RBFOX1: variants seen among roughly 807,000 people sequenced by gnomAD.
RBFOX1 encodes the protein RNA binding protein fox-1 homolog 1.
A neutral mutation model predicts 57.7 loss-of-function variants in RBFOX1; 8 were observed. The ratio of observed to expected loss-of-function variants is 0.14; its 90% CI spans 0.08 to 0.25. The LOEUF is 0.25. RBFOX1 is among the 10% of genes least tolerant of loss of function. The pLI is 1.00. For missense variants in RBFOX1, 611 were observed against 548.5 expected, an observed-to-expected ratio of 1.11 and a Z score of -1.14; for synonymous variants, 326 against 222.4, an observed-to-expected ratio of 1.47 and a Z score of -4.15.
intron 1 of RBFOX1, among the ~76,000 whole-genome samples, chr16:5,274,775 G>T (rs1421822890): frequency 1.3e-5 from 2 of 152,192 alleles, no homozygotes; most frequent in Non-Finnish European, 2.9e-5. Context: ...GGGCAAGCAG[G>T]ACAGGTAAGA....
intron 2 of RBFOX1, among the ~76,000 whole-genome samples, chr16:5,471,008 C>G (rs664637): frequency 6.6e-6 from 1 of 151,830 alleles, no homozygotes; most frequent in Non-Finnish European, 1.5e-5. Context: ...CCTGCCACCA[C>G]GCCTGGCTAA....
At chr16:7,188,663 G>C (rs2084535041) in intron 4 of RBFOX1, among the ~76,000 whole-genome samples, 1 of 152,124 alleles carries the variant, frequency 6.6e-6, no homozygotes, top group Non-Finnish European at 1.5e-5. Flanking sequence ...ATTATCCTGA[G>C]TTGAACATGT....
chr16:6,107,966 A>G (rs2096402284), intron 1 of RBFOX1, among the ~76,000 whole-genome samples: 1 of 152,108 alleles, frequency 6.6e-6, no homozygotes, highest in African/African-American at 2.4e-5. Context: ...ATCAATTAAG[A>G]TTAGTCTTGA....
chr16:5,869,556 C>A (rs1164927304), intron 4 of RBFOX1, among the ~76,000 whole-genome samples: 1 of 152,218 alleles, frequency 6.6e-6, no homozygotes, highest in African/African-American at 2.4e-5. Context: ...TGCGTGCCAC[C>A]ATGCCTAGCT....
chr16:7,500,265 T>C (rs2070285626), intron 4 of RBFOX1, among the ~76,000 whole-genome samples: 1 of 152,218 alleles, frequency 6.6e-6, no homozygotes, highest in South Asian at 2.1e-4. Context: ...GCTCTTCACT[T>C]GCCAAGATGG....
chr16:6,052,030 A>G (rs917147280), intron 1 of RBFOX1, among the ~76,000 whole-genome samples: 3 of 152,152 alleles, frequency 2.0e-5, no homozygotes, highest in African/African-American at 7.2e-5. Context: ...AGTCCCCATC[A>G]TGCCAAACAA....
intron 2 of RBFOX1, among the ~76,000 whole-genome samples, chr16:5,527,036 G>A (rs1054827009): frequency 1.3e-5 from 2 of 152,136 alleles, no homozygotes; most frequent in Admixed American, 6.5e-5. Context: ...CGCTTGGGAC[G>A]GTGCCATGTG....
intron 4 of RBFOX1, among the ~76,000 whole-genome samples, chr16:7,167,442 A>T (rs1488575917): frequency 1.3e-5 from 2 of 152,064 alleles, no homozygotes; most frequent in Non-Finnish European, 2.9e-5. Flanking sequence ...CCACGTGAAG[A>T]CCAAACTAGA....
In RBFOX1 at chr16:6,421,471, G is replaced by A. The variant is rs75470158; in HGVS notation, c.-64+104414G>A. 4.3e-3 allele frequency among the ~76,000 whole-genome samples: 651 copies of A among 152,246 alleles called. 3 individuals are homozygous for A. Among genetic ancestry groups the A allele is most frequent in the African/African-American group, 0.014 (598 of 41,544 alleles). ...ATGAATTCTGAATCAGAATTTTGTC[G>A]TCAGGGGAATGCTTCTTAGAAGGAA... On this transcript the variant is annotated intron_variant, in intron 2 of 15. Coordinates refer to ENST00000550418, the MANE Select transcript of RBFOX1 (RefSeq NM_018723.4).
chr16:6,962,574 A>G (rs561812458), intron 3 of RBFOX1, among the ~76,000 whole-genome samples: 25 of 152,238 alleles, frequency 1.6e-4, no homozygotes, highest in African/African-American at 5.3e-4. Context: ...ACCTGTTAAC[A>G]TGAGGCTTGG....
intron 1 of RBFOX1, among the ~76,000 whole-genome samples, chr16:6,246,325 A>C (rs2097568885): frequency 6.6e-6 from 1 of 152,196 alleles, no homozygotes; most frequent in African/African-American, 2.4e-5. Context: ...TGCTGTAGAC[A>C]GACATCCTCC....
intron 1 of RBFOX1, among the ~76,000 whole-genome samples, chr16:5,294,493 C>T (rs1453803110): frequency 6.6e-6 from 1 of 152,106 alleles, no homozygotes; most frequent in Non-Finnish European, 1.5e-5. Context: ...TTTTACAATG[C>T]AGTCTAACAA....
chr16:5,737,418 G>A (rs2052616518), intron 3 of RBFOX1, among the ~76,000 whole-genome samples: 1 of 152,040 alleles, frequency 6.6e-6, no homozygotes, highest in East Asian at 1.9e-4. Flanking sequence ...CCTAGGAGGT[G>A]GAGGTTGCAG....
rs148075860 is a variant in RBFOX1 at position 5,829,718 on chromosome 16, C to T, written c.319-37585C>T. Among the ~76,000 whole-genome samples, 903 of 152,220 alleles carry T rather than the reference C, an allele frequency of 5.9e-3. 13 individuals are homozygous for T. The highest frequency in any genetic ancestry group is 0.02 in the African/African-American group (830 of 41,518). On this transcript the variant is annotated intron_variant, in intron 3 of 19. Coordinates refer to the RBFOX1 transcript ENST00000641259. ...CAAAGGCATTGCTAATGCTGTAAAT[C>T]CTGGATCCAATTTATTTGTTATTTC... is the stretch of plus-strand genomic sequence containing the variant.
At chr16:6,601,380 A>G (rs1228728495) in intron 2 of RBFOX1, among the ~76,000 whole-genome samples, 1 of 152,268 alleles carries the variant, frequency 6.6e-6, no homozygotes. Flanking sequence ...GATGAAGGTG[A>G]GAGTTACGGT....
chr16:5,703,756 T>G (rs2051138382), intron 3 of RBFOX1, among the ~76,000 whole-genome samples: 1 of 152,172 alleles, frequency 6.6e-6, no homozygotes, highest in African/African-American at 2.4e-5. Flanking sequence ...TATATATGTG[T>G]GTATATGTGC....
intron 4 of RBFOX1, among the ~76,000 whole-genome samples, chr16:7,177,557 A>C (rs1444386200): frequency 6.6e-6 from 1 of 151,922 alleles, no homozygotes; most frequent in Admixed American, 6.6e-5. Context: ...CTTGTGTCTT[A>C]TTTTCAGGTG....
At chr16:7,512,821 TC>T (rs1268560460) in intron 4 of RBFOX1, among the ~76,000 whole-genome samples, 1 of 152,206 alleles carries the variant, frequency 6.6e-6, no homozygotes, top group Non-Finnish European at 1.5e-5. Context: ...CCCACTCCTT[TC>T]GAATGGTCAC....
intron 3 of RBFOX1, among the ~76,000 whole-genome samples, chr16:6,675,066 C>G (rs1295726191): frequency 6.6e-6 from 1 of 152,006 alleles, no homozygotes; most frequent in Non-Finnish European, 1.5e-5. Flanking sequence ...CCACCACACC[C>G]ACTAATTTTT....
Sources: allele counts gnomAD v4.1 joint callset (sites outside exome capture counted in the v4.1 genomes callset), GRCh38; gene constraint gnomAD v4.1.1; transcripts MANE v1.5; gene names NCBI Gene and HGNC (gene_info 2026-07-23, HGNC 2026-07-21).